FILIP1L: variants seen among roughly 807,000 people sequenced by gnomAD.
The protein encoded by FILIP1L is filamin A-interacting protein 1-like.
FILIP1L carries 55 observed loss-of-function variants against 96.6 expected under a neutral mutation model. The ratio of observed to expected loss-of-function variants is 0.57; its 90% CI spans 0.46 to 0.71. The LOEUF (loss-of-function observed/expected upper bound fraction) is 0.71, where lower values mean the gene tolerates loss of function less well. Among genes scored for constraint, FILIP1L ranks in the 30% least tolerant of loss-of-function variants. The pLI is 0.00. For missense variants in FILIP1L, 1,304 were observed against 1,321.2 expected (o/e 0.99, Z 0.20); for synonymous variants, 467 against 473.9 (o/e 0.99, Z 0.19).
chr3:99,882,781 T>C (rs760181476), intron 4 of FILIP1L, among the ~76,000 whole-genome samples: 59 of 152,246 alleles, frequency 3.9e-4, no homozygotes, highest in Non-Finnish European at 6.3e-4. Context: ...ACCTAGCTTA[T>C]ACTAACTGCA....
intron 4 of FILIP1L, among the ~76,000 whole-genome samples, chr3:99,901,104 C>G (rs1706420906): frequency 6.6e-6 from 1 of 152,186 alleles, no homozygotes; most frequent in Non-Finnish European, 1.5e-5. Flanking sequence ...ATACAACATT[C>G]TTTTAACTTG....
chr3:100,037,956 T>TTTTTTTG (rs1491209575), intron 1 of FILIP1L, among the ~76,000 whole-genome samples: 2 of 87,844 alleles, frequency 2.3e-5, no homozygotes, highest in Admixed American at 1.3e-4. Context: ...TTTTTTTTTT[T>TTTTTTTG]GGGGGGGGAG....
chr3:100,063,418 A>T (rs1047603370), intron 1 of FILIP1L, among the ~76,000 whole-genome samples: 1 of 152,188 alleles, frequency 6.6e-6, no homozygotes, highest in African/African-American at 2.4e-5. Context: ...AATTATTATT[A>T]TAGTATTATT....
At chr3:99,831,020 C>G (rs1942652974) in intron 5 of FILIP1L, among the ~76,000 whole-genome samples, 1 of 152,128 alleles carries the variant, frequency 6.6e-6, no homozygotes, top group South Asian at 2.1e-4. Context: ...AAAGTTTTCA[C>G]AGTATGAGTG....
intron 5 of FILIP1L, among the ~76,000 whole-genome samples, chr3:99,835,536 TG>T: frequency 6.6e-6 from 1 of 152,354 alleles, no homozygotes; most frequent in East Asian, 1.9e-4. Flanking sequence ...AATAGGACCA[TG>T]GTTCTTAAAT....
intron 1 of FILIP1L, among the ~76,000 whole-genome samples, chr3:100,085,555 C>A (rs145017409): frequency 3.9e-5 from 6 of 152,242 alleles, no homozygotes; most frequent in Admixed American, 2.0e-4. Context: ...CAACCAAGAC[C>A]CCTCTGTGTT....
chr3:99,903,139 C>T (rs1706491682), intron 4 of FILIP1L, among the ~76,000 whole-genome samples: 1 of 152,122 alleles, frequency 6.6e-6, no homozygotes, highest in South Asian at 2.1e-4. Context: ...ATAATAGTAA[C>T]TCTCTCATAG....
chr3:99,862,032 G>T (rs574017617), intron 4 of FILIP1L, among the ~76,000 whole-genome samples: 1 of 152,066 alleles, frequency 6.6e-6, no homozygotes, highest in African/African-American at 2.4e-5. Context: ...ATACATGTCC[G>T]TTCTCATTAG....
At position 99,930,771 on chromosome 3, in the gene FILIP1L, G is replaced by A. The variant is rs764669767; in HGVS notation, c.250C>T (p.Gln84Ter). ...FLLSILEGEL[Q>*]ARDEVIGILK... ...GGGATAACTCCAACCCAGCTGACCT[G>A]CAGTTCTCCCTCCAGAATGCTGAGG... is the stretch of plus-strand genomic sequence containing the variant. The change falls in exon 2 of 6, where the codon CAG becomes TAG. Residue 84 changes from glutamine to a stop codon, truncating the protein, a stop_gained and splice_region_variant. Coordinates refer to ENST00000477258, the MANE Select transcript of FILIP1L (RefSeq NM_001387850.1). LOFTEE classifies it high-confidence loss of function. 10 of 1,613,028 alleles carry A rather than the reference G, an allele frequency of 6.2e-6. No individual in the cohort carries two copies. Among genetic ancestry groups the A allele is most frequent in the Non-Finnish European group, 8.5e-6 (10 of 1,179,684 alleles).
intron 1 of FILIP1L, among the ~76,000 whole-genome samples, chr3:99,987,233 G>C (rs537462626): frequency 5.2e-4 from 65 of 125,500 alleles, no homozygotes; most frequent in African/African-American, 1.9e-3. Context: ...TGTCTCTTAA[G>C]GGGAAAAAAA....
At chr3:99,942,892 G>A (rs1707894013) in intron 1 of FILIP1L, among the ~76,000 whole-genome samples, 1 of 152,044 alleles carries the variant, frequency 6.6e-6, no homozygotes, top group South Asian at 2.1e-4. Flanking sequence ...TGCCATGGGG[G>A]AAAGGGGAGA....
chr3:99,956,407 C>T (rs1435524806), intron 1 of FILIP1L, among the ~76,000 whole-genome samples: 1 of 152,162 alleles, frequency 6.6e-6, no homozygotes, highest in Non-Finnish European at 1.5e-5. Context: ...GGCTGGAGTG[C>T]CCTGGCATGA....
At chr3:100,029,270 A>G (rs1271541757) in intron 1 of FILIP1L, among the ~76,000 whole-genome samples, 2 of 151,934 alleles carry the variant, frequency 1.3e-5, no homozygotes, top group Non-Finnish European at 2.9e-5. Flanking sequence ...ATTTTAAAAT[A>G]TATTACAAAA....
chr3:99,947,471 T>C (rs1266188411), intron 1 of FILIP1L, among the ~76,000 whole-genome samples: 1 of 152,166 alleles, frequency 6.6e-6, no homozygotes, highest in Non-Finnish European at 1.5e-5. Flanking sequence ...CCCACCCCCT[T>C]CACCTTAGTG....
In FILIP1L at chr3:100,037,961, G is replaced by A. The variant is rs371591287; in HGVS notation, c.-11+76092C>T. Among the ~76,000 whole-genome samples, 387 of 132,506 alleles carry A rather than the reference G, an allele frequency of 2.9e-3. 1 individual carries two copies. Among genetic ancestry groups the A allele is most frequent in the African/African-American group, 0.011 (366 of 34,076 alleles). The allele number at this position is 132,506 out of a possible 152,430, so 86.9% of individuals were successfully genotyped here. On this transcript the variant is annotated intron_variant, in intron 1 of 5. Transcript: ENST00000477258. ...TTTCTTTTTTTTTTTTTTTTTGGGG[G>A]GGGAGGGAACAGAGTCTCAAATCTC...
At chr3:100,012,344 C>T (rs1273018504) in intron 1 of FILIP1L, among the ~76,000 whole-genome samples, 2 of 152,112 alleles carry the variant, frequency 1.3e-5, no homozygotes, top group Non-Finnish European at 2.9e-5. Flanking sequence ...CATTTTCTTT[C>T]CTGAGAATCT....
rs9883235 is a variant in FILIP1L, at chr3:99,902,806, A to G, written c.605+21424T>C. ...TTAACAGAATTTGGAGGTTACACAG[A>G]CAGAATGGTAATGGGGTAACTTCCA... On this transcript the variant is annotated intron_variant, in intron 4 of 5. Transcript: ENST00000477258. Among the ~76,000 whole-genome samples the G allele has an allele frequency of 5.0e-3, 765 of 152,312 alleles. 6 individuals are homozygous for G. The highest frequency in any genetic ancestry group is 0.017 in the African/African-American group (722 of 41,568).
chr3:99,972,832 T>C (rs76720187), intron 1 of FILIP1L, among the ~76,000 whole-genome samples: 11,959 of 152,320 alleles, frequency 0.079, 556 homozygotes, highest in Admixed American at 0.11. Context: ...TTGGCATCTG[T>C]CTGATGCAGG....
intron 4 of FILIP1L, chr3:99,876,082 T>C: frequency 1.0e-6 from 1 of 986,344 alleles, no homozygotes; most frequent in Non-Finnish European, 1.2e-6. Flanking sequence ...CTGAACTGCC[T>C]GCGCCGGGGC....
Sources: gnomAD v4.1 joint callset for allele counts (sites outside exome capture counted in the v4.1 genomes callset) on GRCh38, gnomAD v4.1.1 for gene constraint, MANE v1.5 for transcripts, NCBI Gene and HGNC (gene_info 2026-07-23, HGNC 2026-07-21) for gene names.